Variants in TOX3 observed in about 807,000 individuals in gnomAD.
The protein encoded by TOX3 is CAG trinucleotide repeat-containing gene F9 protein.
In TOX3, 22 loss-of-function variants were observed where a neutral mutation model predicts 64.3. The ratio of observed to expected loss-of-function variants is 0.34; its 90% CI spans 0.24 to 0.49. The LOEUF is 0.49. TOX3 is among the 20% of genes least tolerant of loss of function. The pLI is 0.99. For missense variants in TOX3, 661 were observed against 714.4 expected, an observed-to-expected ratio of 0.93 and a Z score of 0.85; for synonymous variants, 291 against 273.6, an observed-to-expected ratio of 1.06 and a Z score of -0.63.
intron 3 of TOX3, among the ~76,000 whole-genome samples, chr16:52,457,715 T>G (rs1960561814): frequency 6.6e-6 from 1 of 152,210 alleles, no homozygotes; most frequent in Non-Finnish European, 1.5e-5. Context: ...GATCAAATAG[T>G]TATGCATAGC....
chr16:52,473,159 C>G (rs975510621), intron 1 of TOX3, among the ~76,000 whole-genome samples: 1 of 152,100 alleles, frequency 6.6e-6, no homozygotes, highest in Admixed American at 6.5e-5. Context: ...TCTAGCTAGT[C>G]CAGCAAAGCG....
At position 52,546,661 on chromosome 16, in the gene TOX3, G is replaced by A; in HGVS notation, c.63C>T (p.Cys21=). 6.5e-7 allele frequency: 1 copy of A among 1,543,402 alleles called. No homozygotes were observed. Residue 21 remains cysteine (C), a synonymous_variant, in exon 1 of 7, where the codon TGC becomes TGT. Transcript: ENST00000219746. ...CCTTGCTGTAGCCGTAGTACCCCAG[G>A]CACTGCGCGAAGTCCAGGCTGGCAG... ...GDPASLDFAQ[C]LGYYGYSKFG...
At chr16:52,490,817 C>A (rs1039135689) in intron 1 of TOX3, among the ~76,000 whole-genome samples, 4 of 151,424 alleles carry the variant, frequency 2.6e-5, no homozygotes, top group Admixed American at 6.6e-5. Context: ...TTTGTAGAGA[C>A]AAGGTTTCTC....
At chr16:52,539,538 T>C (rs555067797) in intron 1 of TOX3, among the ~76,000 whole-genome samples, 2 of 152,370 alleles carry the variant, frequency 1.3e-5, no homozygotes, top group South Asian at 2.1e-4. Flanking sequence ...GACTGGGAAG[T>C]TGAATTGGCA....
chr16:52,510,098 T>C (rs562361700), intron 1 of TOX3, among the ~76,000 whole-genome samples: 5 of 150,972 alleles, frequency 3.3e-5, no homozygotes, highest in South Asian at 2.1e-4. Flanking sequence ...TCAAAAAATA[T>C]CTGTTGCATT....
chr16:52,528,392 G>A (rs1962772554), intron 1 of TOX3, among the ~76,000 whole-genome samples: 1 of 151,856 alleles, frequency 6.6e-6, no homozygotes, highest in Admixed American at 6.6e-5. Flanking sequence ...TGTGTGCTGT[G>A]GGCAAGACTT....
chr16:52,506,831 T>C (rs1186732281), intron 1 of TOX3, among the ~76,000 whole-genome samples: 2 of 152,172 alleles, frequency 1.3e-5, no homozygotes, highest in Admixed American at 6.5e-5. Flanking sequence ...CCTTAGAATG[T>C]CCAACATCCA....
In TOX3 at chr16:52,439,150, G is replaced by A; in HGVS notation, c.*75C>T. ...TCTGCATAACCAACACCAACTTACA[G>A]GTTTCAGCCACATATGCTTTTCCCT... On this transcript the variant is annotated 3_prime_UTR_variant, in exon 7 of 7. Transcript: ENST00000219746. 1 of 1,597,614 alleles carries A rather than the reference G, an allele frequency of 6.3e-7. No individual in the cohort carries two copies. Among genetic ancestry groups the A allele is most frequent in the African/African-American group, 1.3e-5 (1 of 74,816 alleles).
At chr16:52,503,479 A>C (rs1004922759) in intron 1 of TOX3, among the ~76,000 whole-genome samples, 2 of 152,348 alleles carry the variant, frequency 1.3e-5, no homozygotes, top group Middle Eastern at 3.4e-3. Flanking sequence ...ATCATTAATG[A>C]TACTATAAAA....
At chr16:52,486,866 G>C (rs1294328409) in intron 1 of TOX3, among the ~76,000 whole-genome samples, 1 of 152,122 alleles carries the variant, frequency 6.6e-6, no homozygotes. Flanking sequence ...AGCCCTGGAA[G>C]TTGAGAGTGT....
At position 52,438,508 on chromosome 16, in the gene TOX3, C is replaced by T. The variant is rs1201770419; in HGVS notation, c.*717G>A. 9.3e-6 allele frequency: 1 copy of T among 107,782 alleles called. No homozygotes were observed. The highest frequency in any genetic ancestry group is 5.2e-5 in the African/African-American group (1 of 19,306). 6.7% of individuals were successfully genotyped at this position (107,782 alleles called of 1,614,324 possible). On this transcript the variant is annotated 3_prime_UTR_variant, in exon 7 of 7. Transcript: ENST00000219746. ...CTCAAAACACGGAATATAGTATTCA[C>T]ATTTCTTCTAATTGGAATGAATATA...
intron 3 of TOX3, among the ~76,000 whole-genome samples, chr16:52,451,704 G>T (rs1960355323): frequency 6.6e-6 from 1 of 151,986 alleles, no homozygotes; most frequent in Non-Finnish European, 1.5e-5. Flanking sequence ...TGGAGCATTT[G>T]GTTTCTTCAT....
At chr16:52,539,204 T>C (rs1963024448) in intron 1 of TOX3, among the ~76,000 whole-genome samples, 2 of 152,256 alleles carry the variant, frequency 1.3e-5, no homozygotes, top group Non-Finnish European at 2.9e-5. Context: ...TTTTGCATCA[T>C]TCCCCCTTAA....
intron 1 of TOX3, among the ~76,000 whole-genome samples, chr16:52,482,426 T>G (rs948097998): frequency 6.6e-6 from 1 of 152,156 alleles, no homozygotes; most frequent in Admixed American, 6.5e-5. Context: ...AATCAAATTC[T>G]AAAAGAGTGA....
At chr16:52,473,676 C>A (rs12929478) in intron 1 of TOX3, among the ~76,000 whole-genome samples, 48 of 152,260 alleles carry the variant, frequency 3.2e-4, no homozygotes, top group Non-Finnish European at 5.4e-4. Context: ...TGAAAACAAG[C>A]CAATATGGCG....
chr16:52,453,647 C>A (rs1027024768), intron 3 of TOX3, among the ~76,000 whole-genome samples: 3 of 152,150 alleles, frequency 2.0e-5, no homozygotes, highest in Non-Finnish European at 4.4e-5. Context: ...CTGATTTATG[C>A]AGTTTTCTCA....
Position 52,504,991 on chromosome 16 carries a change from C to T in TOX3, c.88-36417G>A, listed in dbSNP as rs889742320. On this transcript the variant is annotated intron_variant, in intron 1 of 6. Coordinates refer to ENST00000219746, the MANE Select transcript of TOX3 (RefSeq NM_001080430.4). Reference sequence around the variant, plus strand: ...CTGGGATTTCAGGCCCGCGCCACCACGCCCGGCTAATTTTTGTATTTTTAG... The same window carrying T: ...CTGGGATTTCAGGCCCGCGCCACCATGCCCGGCTAATTTTTGTATTTTTAG... Among the ~76,000 whole-genome samples the T allele has an allele frequency of 3.3e-5, 5 of 152,090 alleles. No homozygotes were observed. The South Asian group carries it at 8.3e-4, about 25-fold the overall frequency.
intron 1 of TOX3, among the ~76,000 whole-genome samples, chr16:52,519,976 C>CAAAAAAAAA (rs61541718): frequency 7.8e-6 from 1 of 127,574 alleles, no homozygotes. Context: ...GTCTCAAAAA[C>CAAAAAAAAA]AAAAAAAAAA....
chr16:52,505,737 G>A (rs1416134989), intron 1 of TOX3, among the ~76,000 whole-genome samples: 1 of 152,192 alleles, frequency 6.6e-6, no homozygotes, highest in Non-Finnish European at 1.5e-5. Flanking sequence ...AGCACTTTGG[G>A]AGATCGAGGC....
Sources: allele counts gnomAD v4.1 joint callset (sites outside exome capture counted in the v4.1 genomes callset), GRCh38; gene constraint gnomAD v4.1.1; transcripts MANE v1.5; gene names NCBI Gene and HGNC (gene_info 2026-07-23, HGNC 2026-07-21).